STARD13: variants seen among roughly 807,000 people sequenced by gnomAD.
STARD13 encodes the protein StAR related lipid transfer domain containing 13, also known as stAR-related lipid transfer protein 13.
STARD13 carries 62 observed loss-of-function variants against 106.4 expected under a neutral mutation model. The ratio of observed to expected loss-of-function variants is 0.58; its 90% confidence interval spans 0.48 to 0.72. The LOEUF (loss-of-function observed/expected upper bound fraction) is 0.72, where lower values mean the gene tolerates loss of function less well. STARD13 is among the 30% of genes least tolerant of loss of function. The pLI is 0.00. For missense variants in STARD13, 1,387 were observed against 1,424.0 expected, an observed-to-expected ratio of 0.97 and a Z score of 0.42; for synonymous variants, 565 against 553.0, an observed-to-expected ratio of 1.02 and a Z score of -0.31.
At chr13:33,432,173 A>C in the STARD13 span, among the ~76,000 whole-genome samples, 1 of 152,086 alleles carries the variant, frequency 6.6e-6, no homozygotes, top group Non-Finnish European at 1.5e-5. Flanking sequence ...GAAGGTTCTG[A>C]TGCTGGGAGA....
intron 1 of STARD13, among the ~76,000 whole-genome samples, chr13:33,235,868 T>A (rs1020143349): frequency 6.6e-6 from 1 of 152,352 alleles, no homozygotes; most frequent in African/African-American, 2.4e-5. Flanking sequence ...ATTAGCAGCT[T>A]ATGTCCTAAG....
At chr13:33,651,015 G>A in the STARD13 span, among the ~76,000 whole-genome samples, 1 of 152,206 alleles carries the variant, frequency 6.6e-6, no homozygotes, top group Non-Finnish European at 1.5e-5. Context: ...CCAGTCTTTG[G>A]TGGTTTGTTA....
chr13:33,167,879 C>A (rs2296391), intron 1 of STARD13, among the ~76,000 whole-genome samples: 25,282 of 151,792 alleles, frequency 0.17, 2,826 homozygotes, highest in East Asian at 0.31. Flanking sequence ...AACCACAGAT[C>A]ATAGAAGACA....
At chr13:33,594,642 C>A in the STARD13 span, among the ~76,000 whole-genome samples, 2 of 152,152 alleles carry the variant, frequency 1.3e-5, no homozygotes, top group Non-Finnish European at 2.9e-5. Flanking sequence ...CCTTCTCACA[C>A]CGAAACTCAA....
the STARD13 span, among the ~76,000 whole-genome samples, chr13:33,434,424 A>G: frequency 1.3e-5 from 2 of 151,920 alleles, no homozygotes; most frequent in African/African-American, 4.8e-5. Context: ...TCCAACTTAT[A>G]CACTTATTGA....
At chr13:33,589,113 A>G in the STARD13 span, among the ~76,000 whole-genome samples, 1 of 152,224 alleles carries the variant, frequency 6.6e-6, no homozygotes, top group Non-Finnish European at 1.5e-5. Flanking sequence ...CTCTGATGGT[A>G]GTTTGTATTT....
intron 7 of STARD13, among the ~76,000 whole-genome samples, chr13:33,120,282 C>T (rs548186386): frequency 1.3e-5 from 2 of 152,216 alleles, no homozygotes; most frequent in African/African-American, 2.4e-5. Context: ...CCGTGTCTTG[C>T]GGGCTGTTTC....
chr13:33,500,802 A>G, the STARD13 span, among the ~76,000 whole-genome samples: 1 of 152,126 alleles, frequency 6.6e-6, no homozygotes, highest in Admixed American at 6.5e-5. Flanking sequence ...TAAAGCAGTG[A>G]GATAGAAAAT....
the STARD13 span, among the ~76,000 whole-genome samples, chr13:33,414,839 C>T: frequency 6.6e-6 from 1 of 151,462 alleles, no homozygotes; most frequent in African/African-American, 2.4e-5. Context: ...TATTATTAAT[C>T]CTGTCATATT....
chr13:33,127,277 G>A (rs921437307), intron 6 of STARD13, 96 bp downstream of exon 6: 1 of 1,369,666 alleles, frequency 7.3e-7, no homozygotes, highest in Non-Finnish European at 9.6e-7. Flanking sequence ...CAATGAATGG[G>A]TTTTTCAGAT....
the STARD13 span, among the ~76,000 whole-genome samples, chr13:33,492,896 G>A: frequency 6.6e-6 from 1 of 152,158 alleles, no homozygotes; most frequent in Non-Finnish European, 1.5e-5. Flanking sequence ...CCCCTTTCCA[G>A]TAACAATTAT....
At chr13:33,354,182 T>A (rs1378849708), upstream of STARD13, among the ~76,000 whole-genome samples, 2 of 152,162 alleles carry the variant, frequency 1.3e-5, no homozygotes, top group Non-Finnish European at 2.9e-5. Context: ...ATCTCCTGAG[T>A]AACTGATTTA....
chr13:33,164,738 T>C (rs1352586335), intron 3 of STARD13, among the ~76,000 whole-genome samples: 1 of 152,208 alleles, frequency 6.6e-6, no homozygotes, highest in Non-Finnish European at 1.5e-5. Flanking sequence ...ATACGTTGTT[T>C]TAAGGGGAAG....
At chr13:33,372,384 C>G in the STARD13 span, among the ~76,000 whole-genome samples, 1 of 151,988 alleles carries the variant, frequency 6.6e-6, no homozygotes, top group African/African-American at 2.4e-5. Flanking sequence ...ACTACAGTTA[C>G]TCAGTAGTAA....
the STARD13 span, among the ~76,000 whole-genome samples, chr13:33,416,077 C>A: frequency 6.6e-6 from 1 of 152,292 alleles, no homozygotes; most frequent in Middle Eastern, 3.4e-3. Flanking sequence ...TAAGATATTT[C>A]TGAATTTCTC....
the STARD13 span, chr13:33,439,561 A>T: frequency 5.0e-6 from 2 of 398,402 alleles, no homozygotes; most frequent in Non-Finnish European, 9.2e-6. Flanking sequence ...TTAACATCAT[A>T]CTGTATCCAT....
At chr13:33,490,703 C>T in the STARD13 span, among the ~76,000 whole-genome samples, 2 of 152,158 alleles carry the variant, frequency 1.3e-5, no homozygotes, top group African/African-American at 4.8e-5. Context: ...TCCTTCCAGT[C>T]CGTGTGTGAC....
At chr13:33,516,086 C>T in the STARD13 span, among the ~76,000 whole-genome samples, 3 of 150,280 alleles carry the variant, frequency 2.0e-5, no homozygotes, top group Admixed American at 2.0e-4. Flanking sequence ...TACACACACA[C>T]ATACACACAC....
chr13:33,303,407 A>G (rs1892792564), intron 1 of STARD13, among the ~76,000 whole-genome samples: 1 of 152,130 alleles, frequency 6.6e-6, no homozygotes, highest in Non-Finnish European at 1.5e-5. Context: ...GCTCCTCTTC[A>G]TGGCTGGGTG....
Sources: allele counts gnomAD v4.1 joint callset (sites outside exome capture counted in the v4.1 genomes callset), GRCh38; gene constraint gnomAD v4.1.1; transcripts MANE v1.5; gene names NCBI Gene and HGNC (gene_info 2026-07-23, HGNC 2026-07-21).